The following LRP1B variants were observed in gnomAD, a reference collection of about 807,000 sequenced individuals.
LRP1B encodes the protein LDL receptor related protein 1B, also known as low-density lipoprotein receptor-related protein 1B.
In LRP1B, 217 loss-of-function variants were observed where a neutral mutation model predicts 556.6. The ratio of observed to expected loss-of-function variants is 0.39; its 90% CI spans 0.35 to 0.44. The LOEUF (loss-of-function observed/expected upper bound fraction) is 0.44, where lower values mean the gene tolerates loss of function less well. LRP1B is among the 20% of genes least tolerant of loss of function. The pLI is 1.00. For synonymous variants in LRP1B, 2,047 were observed against 1,865.8 expected (o/e 1.10, Z -2.50); for missense variants, 5,053 against 5,620.8 (o/e 0.90, Z 3.23).
chr2:141,738,667 A>T (rs72983877), intron 2 of LRP1B, among the ~76,000 whole-genome samples: 11,110 of 152,218 alleles, frequency 0.073, 536 homozygotes, highest in African/African-American at 0.14. Context: ...AGATTTAATT[A>T]GAAAATCCAT....
chr2:141,636,007 G>T (rs1689097488), intron 2 of LRP1B, among the ~76,000 whole-genome samples: 1 of 152,070 alleles, frequency 6.6e-6, no homozygotes, highest in African/African-American at 2.4e-5. Context: ...CATTCCTGCT[G>T]ATCCTTGTCT....
At chr2:142,064,968 C>T (rs1380487783) in intron 1 of LRP1B, among the ~76,000 whole-genome samples, 1 of 139,308 alleles carries the variant, frequency 7.2e-6, no homozygotes, top group African/African-American at 2.6e-5. Flanking sequence ...TGGGCTTTGT[C>T]TTAATATAGA....
intron 2 of LRP1B, among the ~76,000 whole-genome samples, chr2:141,485,198 T>C (rs904216220): frequency 7.2e-5 from 11 of 152,186 alleles, no homozygotes; most frequent in African/African-American, 2.7e-4. Flanking sequence ...CTACAGTCTT[T>C]ATCATCTTTG....
chr2:141,095,302 G>A (rs1700269727), intron 7 of LRP1B, among the ~76,000 whole-genome samples: 1 of 88,522 alleles, frequency 1.1e-5, no homozygotes, highest in Non-Finnish European at 2.8e-5. Flanking sequence ...GCTTTGAGCA[G>A]ATCTTATAAG....
chr2:141,511,823 A>T (rs964017031), intron 2 of LRP1B, among the ~76,000 whole-genome samples: 1 of 152,188 alleles, frequency 6.6e-6, no homozygotes, highest in South Asian at 2.1e-4. Flanking sequence ...TTTTAGTCCT[A>T]TGAGAGGCAG....
At chr2:141,315,952 C>T (rs927332228) in intron 3 of LRP1B, among the ~76,000 whole-genome samples, 23 of 55,516 alleles carry the variant, frequency 4.1e-4, no homozygotes, top group African/African-American at 1.6e-3. Context: ...GGCTTTATGG[C>T]TTTGTATTTT....
At chr2:140,298,632 T>C (rs1349267390) in intron 83 of LRP1B, among the ~76,000 whole-genome samples, 3 of 152,298 alleles carry the variant, frequency 2.0e-5, no homozygotes, top group African/African-American at 4.8e-5. Flanking sequence ...CTTAGAAGTT[T>C]AACATGAACA....
At chr2:141,822,114 C>CAGAGAGAG (rs1220162057) in intron 1 of LRP1B, among the ~76,000 whole-genome samples, 6 of 111,580 alleles carry the variant, frequency 5.4e-5, no homozygotes, top group South Asian at 3.4e-4. Context: ...CACACACACA[C>CAGAGAGAG]ACACACACAC....
At chr2:140,450,118 T>C (rs1310245374) in intron 63 of LRP1B, among the ~76,000 whole-genome samples, 1 of 152,178 alleles carries the variant, frequency 6.6e-6, no homozygotes, top group African/African-American at 2.4e-5. Context: ...AATCAGACTT[T>C]TTAAGAATTT....
At chr2:141,945,933 TTTATTTATTTA>T (rs377360939) in intron 1 of LRP1B, among the ~76,000 whole-genome samples, 56,433 of 151,094 alleles carry the variant, frequency 0.37, 11,427 homozygotes, top group Admixed American at 0.5. Flanking sequence ...ACCAGCAGGA[TTTATTTATTTA>T]TTTATTTATT....
chr2:141,795,128 T>C (rs1233322475), intron 2 of LRP1B, among the ~76,000 whole-genome samples: 2 of 152,098 alleles, frequency 1.3e-5, no homozygotes, highest in Non-Finnish European at 2.9e-5. Context: ...TTGAGTGTTG[T>C]TTATAAGTTT....
chr2:140,494,624 A>AGGGAG (rs1688838398), intron 56 of LRP1B, among the ~76,000 whole-genome samples: 1 of 151,814 alleles, frequency 6.6e-6, no homozygotes. Context: ...AAAAAAAAAA[A>AGGGAG]AAAAATTGTC....
chr2:140,307,757 T>A (rs900576519), intron 83 of LRP1B, among the ~76,000 whole-genome samples: 1 of 151,752 alleles, frequency 6.6e-6, no homozygotes. Flanking sequence ...GGGCAGATAG[T>A]GTTGATTTTC....
At position 140,895,553 on chromosome 2, in the gene LRP1B, A is replaced by T. The variant is rs147169841; in HGVS notation, c.3766+7367T>A. Among the ~76,000 whole-genome samples the T allele has an allele frequency of 1.2e-3, 183 of 152,276 alleles. 2 individuals carry two copies. The highest frequency in any genetic ancestry group is 4.1e-3 in the African/African-American group (169 of 41,568). Reference sequence around the variant, plus strand: ...TGTGGCCCCTAGAGCCTCAGAAGGCATGTTACCGTGCGCTCTTTTACTTTG... The same window carrying T: ...TGTGGCCCCTAGAGCCTCAGAAGGCTTGTTACCGTGCGCTCTTTTACTTTG... On this transcript the variant is annotated intron_variant, in intron 23 of 90. Transcript: ENST00000389484.
At chr2:141,312,441 T>C (rs1686848105) in intron 3 of LRP1B, among the ~76,000 whole-genome samples, 1 of 152,212 alleles carries the variant, frequency 6.6e-6, no homozygotes. Context: ...ATTTACTGTT[T>C]ATGTGATTGG....
chr2:141,071,878 T>C (rs552770963), intron 7 of LRP1B, among the ~76,000 whole-genome samples: 3 of 152,134 alleles, frequency 2.0e-5, no homozygotes, highest in Non-Finnish European at 1.5e-5. Context: ...TGGAAGAACA[T>C]TCCATGCTCA....
chr2:141,162,581 G>T (rs768427403), intron 7 of LRP1B, among the ~76,000 whole-genome samples: 1 of 151,974 alleles, frequency 6.6e-6, no homozygotes, highest in Non-Finnish European at 1.5e-5. Flanking sequence ...GGAAACTCTG[G>T]CAGGCAAGGA....
At position 141,240,698 on chromosome 2, in the gene LRP1B, A is replaced by G. The variant is rs79959396; in HGVS notation, c.592+6528T>C. On this transcript the variant is annotated intron_variant, in intron 5 of 90. Transcript: ENST00000389484. ...CAAAGTTATTAAAAAAACATGATAG[A>G]AATTTCTGCCTATCTGTTGTGCCAT... Among the ~76,000 whole-genome samples the G allele has an allele frequency of 1.9e-3, 285 of 152,186 alleles. 4 individuals are homozygous for G. The highest frequency in any genetic ancestry group is 0.017 in the East Asian group (87 of 5,162).
At chr2:141,484,480 T>G (rs1356027396) in intron 2 of LRP1B, among the ~76,000 whole-genome samples, 1 of 151,988 alleles carries the variant, frequency 6.6e-6, no homozygotes, top group Non-Finnish European at 1.5e-5. Context: ...TTTAAAGTAG[T>G]TTTTTCCAAT....
Sources: gnomAD v4.1 joint callset for allele counts (sites outside exome capture counted in the v4.1 genomes callset) on GRCh38, gnomAD v4.1.1 for gene constraint, MANE v1.5 for transcripts, NCBI Gene and HGNC (gene_info 2026-07-23, HGNC 2026-07-21) for gene names.